Variants in DNHD1 observed in about 807,000 individuals in gnomAD.
DNHD1 encodes the protein dynein heavy chain domain-containing protein 1.
In DNHD1, 383 loss-of-function variants were observed where a neutral mutation model predicts 458.1. The observed-to-expected ratio is 0.84, with a 90% CI of 0.77 to 0.91. The LOEUF (loss-of-function observed/expected upper bound fraction) is 0.91, where lower values mean the gene tolerates loss of function less well. Ranked by LOEUF, DNHD1 falls within the 40% of genes least tolerant of loss-of-function variation. The pLI is 0.00. For synonymous variants in DNHD1, 2,203 were observed against 2,376.9 expected (o/e 0.93, Z 2.13); for missense variants, 5,336 against 5,866.1 (o/e 0.91, Z 2.95).
At chr11:6,555,110 AT>A (rs1199532635) in intron 24 of DNHD1, among the ~76,000 whole-genome samples, 1 of 152,128 alleles carries the variant, frequency 6.6e-6, no homozygotes, top group African/African-American at 2.4e-5. Context: ...CCATTCAGGC[AT>A]TTGCCTGAAA....
Position 6,528,989 on chromosome 11 carries a change from C to A in DNHD1, c.2215C>A (p.Pro739Thr), listed in dbSNP as rs77782606. ...PQKLEDMRGG[P>T]IKNYVTLVSR... ...GAAGCTGGAAGACATGAGAGGTGGT[C>A]CCATCAAGAACTACGTGACGCTGGT... Residue 739 changes from proline to threonine, a missense_variant, in exon 12 of 43, where the codon CCC becomes ACC. This residue lies in a region of DNHD1 where 3,932 missense variants were observed against 4,365.6 expected (regional missense o/e 0.90). Coordinates refer to ENST00000254579, the MANE Select transcript of DNHD1 (RefSeq NM_144666.3). The A allele has an allele frequency of 5.0e-4, 782 of 1,551,638 alleles. 2 individuals carry two copies. The African/African-American group carries it at 8.4e-3, about 17-fold the overall frequency.
At chr11:6,563,203 G>A (rs755489521) in intron 29 of DNHD1, 72 bp downstream of exon 29, 41 of 1,547,682 alleles carry the variant, frequency 2.6e-5, no homozygotes, top group Non-Finnish European at 3.0e-5. Context: ...AGGATACCAA[G>A]AGGAGAGGAT....
In DNHD1 at chr11:6,520,283, T is replaced by G; in HGVS notation, c.1831T>G (p.Ser611Ala). The G allele has an allele frequency of 6.4e-7, 1 of 1,551,890 alleles. No individual in the cohort carries two copies. Among genetic ancestry groups the G allele is most frequent in the Non-Finnish European group, 8.7e-7 (1 of 1,147,060 alleles). Residue 611 changes from serine to alanine, a missense_variant, in exon 10 of 43, where the codon TCT (serine) becomes GCT (alanine). Transcript: ENST00000254579. ...DLKTSSDSLYSEEEDEEEDSK... is the reference protein window; with the variant it reads ...DLKTSSDSLYAEEEDEEEDSK... ...GAAGACCTCCTCGGATTCCCTGTAT[T>G]CTGAAGGTATTTAGGGAGACCTAGG...
chr11:6,568,368 T>C, intron 37 of DNHD1, 86 bp from the exon 38 acceptor site: 1 of 1,587,460 alleles, frequency 6.3e-7, no homozygotes, highest in Non-Finnish European at 8.6e-7. Flanking sequence ...ATCTGACTCC[T>C]GACACCCCTA....
intron 24 of DNHD1, among the ~76,000 whole-genome samples, chr11:6,551,754 A>G (rs1011949793): frequency 2.6e-5 from 4 of 152,210 alleles, no homozygotes; most frequent in African/African-American, 7.2e-5. Context: ...CATCCTGGCC[A>G]ACATGGTGAA....
Position 6,564,455 on chromosome 11 carries a change from G to T in DNHD1, c.10407G>T (p.Leu3469=). 1 of 1,551,742 alleles carries T rather than the reference G, an allele frequency of 6.4e-7. No homozygotes were observed. The highest frequency in any genetic ancestry group is 8.7e-7 in the Non-Finnish European group (1 of 1,147,004). Residue 3469 remains leucine, a synonymous_variant, in exon 32 of 43, where the codon CTG becomes CTT. Transcript: ENST00000254579. ...RQELLDEWLA[L]CRGFQEALGP... ...AGCTACTGGACGAGTGGTTAGCTCTGTGTAGGGGCTTTCAGGAGGCTCTGG... is the reference window on the plus strand; with the variant it reads ...AGCTACTGGACGAGTGGTTAGCTCTTTGTAGGGGCTTTCAGGAGGCTCTGG...
At chr11:6,544,100 G>A (rs1001913687) in intron 18 of DNHD1, 21 bp from the exon 19 acceptor site, 3 of 1,550,376 alleles carry the variant, frequency 1.9e-6, no homozygotes, top group Non-Finnish European at 1.7e-6. Context: ...CTGACTGCCA[G>A]TTCAGCTTTT....
chr11:6,505,393 C>T lies in DNHD1; in HGVS notation c.920+2467C>T, dbSNP rs1325829122. Among the ~76,000 whole-genome samples, 1 of 152,076 alleles carries T rather than the reference C, an allele frequency of 6.6e-6. No individual in the cohort carries two copies. Among genetic ancestry groups the T allele is most frequent in the Admixed American group, 6.6e-5 (1 of 15,262 alleles). ...ACAGCCTCCCAAGTAGCTTTGATTA[C>T]AGGCACTTGCTAATATGACTGGCTA... On this transcript the variant is annotated intron_variant, in intron 4 of 42. Coordinates refer to ENST00000254579, the MANE Select transcript of DNHD1 (RefSeq NM_144666.3). The surrounding 1 kb of genome is among the most constrained non-coding windows in gnomAD (Gnocchi z 4.4).
rs1255534196 is a variant in DNHD1 at position 6,557,651 on chromosome 11, T to A, written c.8356T>A (p.Ser2786Thr). 1 of 1,551,624 alleles carries A rather than the reference T, an allele frequency of 6.4e-7. No individual in the cohort carries two copies. The highest frequency in any genetic ancestry group is 2.0e-5 in the Admixed American group (1 of 51,002). Residue 2786 changes from serine (S) to threonine (T), a missense_variant, in exon 25 of 43, where the codon TCA (serine) becomes ACA (threonine). Physicochemically the swap from Ser to Thr is moderately conservative, Grantham distance 58. Transcript: ENST00000254579. ...ASNYRLQVRR[S>T]FKTWWQKKPQ... ...CAACTATAGGCTCCAGGTAAGGAGA[T>A]CATTCAAGACTTGGTGGCAGAAGAA...
rs1554888382 is a variant in DNHD1, at chr11:6,546,676, C to CATGCCCTGTTTA, written c.5737_5738insATGCCCTGTTTA (p.Arg1913delinsHisAlaLeuPheSer). On this transcript the variant is annotated protein_altering_variant, in exon 21 of 43. Coordinates refer to ENST00000254579, the MANE Select transcript of DNHD1 (RefSeq NM_144666.3). ...TGCCATTGAGGAGGCTGCCCTACTG[C>CATGCCCTGTTTA]GCTCACCACTGTTTAGCATTCTCAA... The CATGCCCTGTTTA allele has an allele frequency of 6.4e-7, 1 of 1,551,610 alleles. No individual in the cohort carries two copies. Among genetic ancestry groups the CATGCCCTGTTTA allele is most frequent in the African/African-American group, 1.4e-5 (1 of 73,030 alleles).
At chr11:6,531,824 G>A (rs781089188) in intron 12 of DNHD1, among the ~76,000 whole-genome samples, 5 of 152,010 alleles carry the variant, frequency 3.3e-5, no homozygotes, top group South Asian at 2.1e-4. Context: ...ATAGAGGATC[G>A]GTCAGTTTAC....
In DNHD1 at chr11:6,544,223, G is replaced by A. The variant is rs1853158861; in HGVS notation, c.3731G>A (p.Trp1244Ter). 1 of 1,551,444 alleles carries A rather than the reference G, an allele frequency of 6.4e-7. No homozygotes were observed. Among genetic ancestry groups the A allele is most frequent in the Non-Finnish European group, 8.7e-7 (1 of 1,146,972 alleles). Residue 1244 changes from tryptophan to a stop codon, truncating the protein, a stop_gained, in exon 19 of 43, where the codon TGG becomes TAG. Coordinates refer to ENST00000254579, the MANE Select transcript of DNHD1 (RefSeq NM_144666.3). LOFTEE classifies it high-confidence loss of function. ...GATTTAAACAAAATAGCTTTGGAGTGGGTGGCCATCATGCATGGCCTGGGT... is the reference window on the plus strand; with the variant it reads ...GATTTAAACAAAATAGCTTTGGAGTAGGTGGCCATCATGCATGGCCTGGGT... ...SGDLNKIALE[W>*]VAIMHGLGAL... is the part of the protein sequence containing the mutation.
rs73407185 is a variant in DNHD1, at chr11:6,554,946, A to G, written c.7388-1737A>G. On this transcript the variant is annotated intron_variant, in intron 24 of 42. Coordinates refer to ENST00000254579, the MANE Select transcript of DNHD1 (RefSeq NM_144666.3). The stretch of plus-strand genomic sequence containing the variant: ...AACCGCATATCCTCAAACTTAGTAT[A>G]CATGAACATTCATAGCAGCATTGTT... Among the ~76,000 whole-genome samples, 812 of 152,332 alleles carry G rather than the reference A, an allele frequency of 5.3e-3. 8 individuals are homozygous for G. The highest frequency in any genetic ancestry group is 0.019 in the African/African-American group (784 of 41,566).
Position 6,571,303 on chromosome 11 carries a change from T to C in DNHD1, c.13791T>C (p.Arg4597=). The change falls in exon 42 of 43, where the codon CGT becomes CGC. Residue 4597 remains arginine, a synonymous_variant. Transcript: ENST00000254579. The surrounding 1 kb of genome is among the most constrained non-coding windows in gnomAD (Gnocchi z 5.0). ...RHPRRLLLAL[R]GEAALDQNVP... The stretch of plus-strand genomic sequence containing the variant: ...CGCGCCGCCTGCTGCTGGCATTGCG[T>C]GGGGAAGCTGCCCTGGACCAGAATG... The C allele has an allele frequency of 6.2e-7, 1 of 1,612,392 alleles. No homozygotes were observed. The highest frequency in any genetic ancestry group is 8.5e-7 in the Non-Finnish European group (1 of 1,179,598).
rs991162694 is a variant in DNHD1 at position 6,566,603 on chromosome 11, G to A, written c.11223G>A (p.Leu3741=). The part of the protein sequence containing the change: ...CAMEKVLGCE[L]LKGLNVLDLG... ...TACCCCAAGTGCTAGGTTGTGAACT[G>A]CTAAAGGGGCTGAATGTGTTGGATC... The change falls in exon 35 of 43, where the codon CTG becomes CTA. Residue 3741 remains leucine (L), a synonymous_variant. Transcript: ENST00000254579. 2 of 1,613,680 alleles carry A rather than the reference G, an allele frequency of 1.2e-6. No individual in the cohort carries two copies. Among genetic ancestry groups the A allele is most frequent in the African/African-American group, 1.3e-5 (1 of 74,926 alleles).
chr11:6,549,147 A>G, intron 24 of DNHD1: 1 of 598,544 alleles, frequency 1.7e-6, no homozygotes. Context: ...GTCCAATCTC[A>G]CTTCTTTTCT....
Position 6,567,258 on chromosome 11 carries a change from C to T in DNHD1, c.11749C>T (p.Gln3917Ter). The change falls in exon 36 of 43, where the codon CAG becomes TAG. Residue 3917 changes from glutamine to a stop codon, truncating the protein, a stop_gained. Coordinates refer to ENST00000254579, the MANE Select transcript of DNHD1 (RefSeq NM_144666.3). LOFTEE classifies it high-confidence loss of function. ...GCAATTGAGAGCACACCTGACCCGC[C>T]AGCTGCTGGGCAGCACCGTGACTGC... ...LLQLRAHLTRQLLGSTVTALG... is the reference protein window; with the variant it reads ...LLQLRAHLTR The T allele has an allele frequency of 1.2e-6, 2 of 1,614,036 alleles. No individual in the cohort carries two copies. The highest frequency in any genetic ancestry group is 1.7e-6 in the Non-Finnish European group (2 of 1,179,904).
At position 6,546,653 on chromosome 11, in the gene DNHD1, C is replaced by T. The variant is rs1853224251; in HGVS notation, c.5714C>T (p.Ala1905Val). Residue 1905 changes from alanine to valine, a missense_variant, in exon 21 of 43, where the codon GCC becomes GTC. Ala to Val is a moderately conservative substitution (Grantham distance 64). Around this residue, in one of 4 missense-constraint regions of DNHD1, gnomAD observed 3,932 missense variants for 4,365.6 expected, o/e 0.90. Transcript: ENST00000254579. ...PKCQKPRSLA[A>V]IEEAALLRSP... ...TGCCAGAAGCCTCGCAGCCTAGCTGCCATTGAGGAGGCTGCCCTACTGCGC... is the reference window on the plus strand; with the variant it reads ...TGCCAGAAGCCTCGCAGCCTAGCTGTCATTGAGGAGGCTGCCCTACTGCGC... 5 of 1,551,466 alleles carry T rather than the reference C, an allele frequency of 3.2e-6. No homozygotes were observed. The highest frequency in any genetic ancestry group is 2.0e-5 in the Admixed American group (1 of 50,990).
chr11:6,549,598 C>G (rs1447961896), intron 24 of DNHD1, among the ~76,000 whole-genome samples: 1 of 152,212 alleles, frequency 6.6e-6, no homozygotes, highest in African/African-American at 2.4e-5. Context: ...CTTATTATTT[C>G]TAAATTACCT....
Sources: gnomAD v4.1 joint callset for allele counts (sites outside exome capture counted in the v4.1 genomes callset) on GRCh38, gnomAD v4.1.1 for gene constraint, gnomAD v4.1.1 regional missense constraint, Gnocchi (gnomAD v3.1) non-coding constraint, MANE v1.5 for transcripts, NCBI Gene and HGNC (gene_info 2026-07-23, HGNC 2026-07-21) for gene names.